The following WWC2 variants were observed in gnomAD, a reference collection of about 807,000 sequenced individuals.
WWC2 encodes protein WWC2.
In WWC2, 101 loss-of-function variants were observed where a neutral mutation model predicts 138.5. The observed-to-expected ratio is 0.73, with a 90% confidence interval of 0.62 to 0.86. The LOEUF is 0.86. Among genes scored for constraint, WWC2 ranks in the 40% least tolerant of loss-of-function variants. The probability of loss-of-function intolerance (pLI) is 0.00; values close to 1 mark genes in which losing one functional copy is unlikely to be tolerated. For synonymous variants in WWC2, 558 were observed against 538.4 expected (o/e 1.04, Z -0.50); for missense variants, 1,420 against 1,419.4 (o/e 1.00, Z -0.01).
chr4:183,133,791 C>T (rs1394384589), intron 1 of WWC2, among the ~76,000 whole-genome samples: 7 of 152,110 alleles, frequency 4.6e-5, no homozygotes, highest in Admixed American at 1.3e-4. Flanking sequence ...CACCATGCCC[C>T]GCCTTCTCAT....
chr4:183,297,100 G>A (rs927685820), intron 21 of WWC2, among the ~76,000 whole-genome samples: 18 of 151,924 alleles, frequency 1.2e-4, no homozygotes, highest in Non-Finnish European at 2.4e-4. Flanking sequence ...TCAGTTTCCT[G>A]AGTAGCTGGG....
chr4:183,220,231 C>G (rs1239763424), intron 4 of WWC2, among the ~76,000 whole-genome samples: 1 of 152,130 alleles, frequency 6.6e-6, no homozygotes, highest in African/African-American at 2.4e-5. Flanking sequence ...GCCTGGCTAA[C>G]ACCCTGATTT....
chr4:183,309,818 G>A (rs1331736572), intron 21 of WWC2, among the ~76,000 whole-genome samples: 1 of 152,220 alleles, frequency 6.6e-6, no homozygotes. Context: ...CAGTCAAGAT[G>A]TCCTTCAGTA....
chr4:183,103,552 T>C (rs1743250975), intron 1 of WWC2, among the ~76,000 whole-genome samples: 1 of 151,608 alleles, frequency 6.6e-6, no homozygotes, highest in Non-Finnish European at 1.5e-5. Flanking sequence ...GGTCTCGAAC[T>C]CCTGACCTCA....
intron 2 of WWC2, among the ~76,000 whole-genome samples, chr4:183,202,381 G>A (rs925981351): frequency 6.6e-6 from 1 of 152,032 alleles, no homozygotes; most frequent in African/African-American, 2.4e-5. Context: ...AGGCCCCCAA[G>A]ACATCAAAGC....
At chr4:183,192,766 C>A (rs946436062) in intron 1 of WWC2, among the ~76,000 whole-genome samples, 1 of 152,084 alleles carries the variant, frequency 6.6e-6, no homozygotes, top group South Asian at 2.1e-4. Flanking sequence ...ATGGTGGCCA[C>A]ACTCCAGCAA....
At chr4:183,287,481 G>A (rs1028692013) in intron 20 of WWC2, among the ~76,000 whole-genome samples, 2 of 152,196 alleles carry the variant, frequency 1.3e-5, no homozygotes, top group African/African-American at 4.8e-5. Flanking sequence ...ATCGAGTGGA[G>A]TTGAGAAACG....
At chr4:183,188,618 A>ATCTC (rs539084926) in intron 1 of WWC2, among the ~76,000 whole-genome samples, 4 of 138,784 alleles carry the variant, frequency 2.9e-5, no homozygotes, top group South Asian at 2.3e-4. Flanking sequence ...ATCTAATATG[A>ATCTC]TCTCTCTCTC....
intron 20 of WWC2, among the ~76,000 whole-genome samples, chr4:183,288,628 T>C (rs1213640985): frequency 6.6e-6 from 1 of 152,188 alleles, no homozygotes; most frequent in Non-Finnish European, 1.5e-5. Context: ...AGGGCAGAGA[T>C]TGTGTCTTCT....
rs1198344295 is a variant in WWC2 at position 183,298,869 on chromosome 4, G to GT, written c.3384+9235dup. ...GAACTGAACCTTTAGGGTACATGCA[G>GT]TACTTTGATAATTCTGAAGTCCCAG... is the stretch of plus-strand genomic sequence containing the variant. On this transcript the variant is annotated intron_variant, in intron 21 of 22. Coordinates refer to ENST00000403733, the MANE Select transcript of WWC2 (RefSeq NM_024949.6). Among the ~76,000 whole-genome samples the GT allele has an allele frequency of 2.0e-5, 3 of 152,276 alleles. No individual in the cohort carries two copies. In the East Asian group the frequency reaches 5.8e-4, roughly 29 times the overall value.
intron 1 of WWC2, among the ~76,000 whole-genome samples, chr4:183,156,398 C>A (rs1733806503): frequency 6.7e-6 from 1 of 148,382 alleles, no homozygotes; most frequent in Non-Finnish European, 1.5e-5. Context: ...TGCAGTGGCA[C>A]AATCTCGACT....
chr4:183,144,510 G>A (rs1733393350), intron 1 of WWC2, among the ~76,000 whole-genome samples: 1 of 152,076 alleles, frequency 6.6e-6, no homozygotes, highest in South Asian at 2.1e-4. Context: ...GTACTAAAAT[G>A]TACTATGGTG....
intron 5 of WWC2, among the ~76,000 whole-genome samples, chr4:183,244,580 T>G (rs145081804): frequency 0.013 from 1,930 of 150,570 alleles, 15 homozygotes; most frequent in African/African-American, 0.023. Flanking sequence ...TATATATATA[T>G]ATATAGAGAG....
At chr4:183,147,933 T>G (rs1243595118) in intron 1 of WWC2, among the ~76,000 whole-genome samples, 2 of 152,218 alleles carry the variant, frequency 1.3e-5, no homozygotes, top group Non-Finnish European at 2.9e-5. Flanking sequence ...ACAGCCTTTA[T>G]AAAATAAATA....
At chr4:183,254,437 A>C (rs1182279535) in intron 9 of WWC2, among the ~76,000 whole-genome samples, 2 of 152,210 alleles carry the variant, frequency 1.3e-5, no homozygotes, top group Non-Finnish European at 2.9e-5. Flanking sequence ...ATACCCTAAC[A>C]GGTCACAACG....
chr4:183,224,091 A>T (rs1228430881), intron 4 of WWC2, among the ~76,000 whole-genome samples: 1 of 152,182 alleles, frequency 6.6e-6, no homozygotes, highest in Non-Finnish European at 1.5e-5. Flanking sequence ...AAACAAAACT[A>T]GGTCATTTGT....
intron 1 of WWC2, among the ~76,000 whole-genome samples, chr4:183,186,506 AAAG>A (rs1336066732): frequency 6.6e-6 from 1 of 152,238 alleles, no homozygotes; most frequent in Non-Finnish European, 1.5e-5. Flanking sequence ...GTGAATGTCA[AAAG>A]AAGAATCAGA....
At chr4:183,208,322 C>A (rs184959397) in intron 3 of WWC2, among the ~76,000 whole-genome samples, 166 bp downstream of exon 3, 74 of 152,314 alleles carry the variant, frequency 4.9e-4, no homozygotes, top group African/African-American at 1.7e-3. Context: ...GATTTTCTCA[C>A]CCCTACTTCA....
intron 11 of WWC2, among the ~76,000 whole-genome samples, chr4:183,262,111 T>G (rs1737348599): frequency 6.6e-6 from 1 of 152,240 alleles, no homozygotes; most frequent in Non-Finnish European, 1.5e-5. Context: ...TACTAGAGAT[T>G]GTAGTTCTTA....
Sources: allele counts gnomAD v4.1 joint callset (sites outside exome capture counted in the v4.1 genomes callset), GRCh38; gene constraint gnomAD v4.1.1; transcripts MANE v1.5; gene names NCBI Gene and HGNC (gene_info 2026-07-23, HGNC 2026-07-21).